SLC25A34: variants seen among roughly 807,000 people sequenced by gnomAD.
SLC25A34 encodes the protein solute carrier family 25, member 34.
SLC25A34 carries 26 observed loss-of-function variants against 28.1 expected under a neutral mutation model. The ratio of observed to expected loss-of-function variants is 0.93; its 90% CI spans 0.68 to 1.28. The LOEUF (loss-of-function observed/expected upper bound fraction) is 1.28, where lower values mean the gene tolerates loss of function less well. SLC25A34 is among the 50% of genes most tolerant of loss of function. The pLI, the probability that SLC25A34 is intolerant of heterozygous loss-of-function variation, is 0.00. For missense variants in SLC25A34, 384 were observed against 409.8 expected (o/e 0.94, Z 0.54); for synonymous variants, 182 against 182.2 (o/e 1.00, Z 0.01).
rs2068266753 is a variant in SLC25A34 at position 15,740,191 on chromosome 1, C to G, written c.*785C>G. 6.6e-6 allele frequency: 1 copy of G among 152,134 alleles called. No homozygotes were observed. The highest frequency in any genetic ancestry group is 1.5e-5 in the Non-Finnish European group (1 of 68,046). The allele number at this position is 152,134 out of a possible 1,614,324, so 9.4% of individuals were successfully genotyped here. The stretch of plus-strand genomic sequence containing the variant: ...TCTCTGTGTCTGCACATGGTGGTCC[C>G]TCGATGTGCGTCTGGGTCCTGATCT... On this transcript the variant is annotated 3_prime_UTR_variant, in exon 5 of 5. Coordinates refer to ENST00000294454, the MANE Select transcript of SLC25A34 (RefSeq NM_207348.3).
In SLC25A34 at chr1:15,739,269, C is replaced by T. The variant is rs1050728352; in HGVS notation, c.778C>T (p.Arg260Trp). The part of the protein sequence containing the change: ...GLTDCMVKIW[R>W]QEGPLALYKG... The stretch of plus-strand genomic sequence containing the variant: ...CACCGACTGCATGGTGAAGATCTGG[C>T]GGCAGGAGGGCCCCCTGGCACTCTA... Residue 260 changes from arginine (R) to tryptophan (W), a missense_variant, in exon 5 of 5, where the codon CGG becomes TGG. By Grantham distance (101) the Arg-to-Trp change is moderately radical. Coordinates refer to ENST00000294454, the MANE Select transcript of SLC25A34 (RefSeq NM_207348.3). 33 of 1,611,950 alleles carry T rather than the reference C, an allele frequency of 2.0e-5. No individual in the cohort carries two copies. The highest frequency in any genetic ancestry group is 1.6e-4 in the Middle Eastern group (1 of 6,078).
intron 4 of SLC25A34, 92 bp downstream of exon 4, chr1:15,738,820 TCACAC>T: frequency 2.0e-6 from 2 of 1,010,090 alleles, no homozygotes; most frequent in Non-Finnish European, 2.7e-6. Context: ...ACACTCACAC[TCACAC>T]ATGCACAGCC....
chr1:15,737,055 G>A (rs901381307), intron 1 of SLC25A34, among the ~76,000 whole-genome samples, 192 bp downstream of exon 1: 1 of 152,204 alleles, frequency 6.6e-6, no homozygotes, highest in African/African-American at 2.4e-5. Flanking sequence ...TCTGATCCAT[G>A]CTCCCCTGCG....
chr1:15,737,385 A>G (rs1370347030), intron 1 of SLC25A34, among the ~76,000 whole-genome samples: 1 of 152,218 alleles, frequency 6.6e-6, no homozygotes, highest in East Asian at 1.9e-4. Context: ...CATGGTCAAC[A>G]TGGTGAAACC....
chr1:15,738,915 C>G (rs1245784135), intron 4 of SLC25A34, 187 bp downstream of exon 4: 1 of 728,532 alleles, frequency 1.4e-6, no homozygotes, highest in East Asian at 3.2e-5. Context: ...CAGGCACAGG[C>G]TAAGCACTTT....
At chr1:15,738,047 C>T in intron 2 of SLC25A34, 46 bp from the exon 3 acceptor site, 2 of 1,613,516 alleles carry the variant, frequency 1.2e-6, no homozygotes, top group African/African-American at 1.3e-5. Flanking sequence ...GGCATGCTCC[C>T]AGCCTAGGCA....
In SLC25A34 at chr1:15,737,967, G is replaced by A. The variant is rs772253470; in HGVS notation, c.417G>A (p.Val139=). The part of the protein sequence containing the change: ...TQLQAQTVAA[V]AVGHQHNHQT... ...TGCAAGCTCAGACAGTGGCCGCAGT[G>A]GCCGTGGGACACCAGCACAATCACC... is the stretch of plus-strand genomic sequence containing the variant. The change falls in exon 2 of 5, where the codon GTG becomes GTA. Residue 139 remains valine (V), a synonymous_variant. Coordinates refer to ENST00000294454, the MANE Select transcript of SLC25A34 (RefSeq NM_207348.3). 4 of 1,613,912 alleles carry A rather than the reference G, an allele frequency of 2.5e-6. No individual in the cohort carries two copies. Among genetic ancestry groups the A allele is most frequent in the Non-Finnish European group, 2.5e-6 (3 of 1,180,028 alleles).
chr1:15,737,762 C>T (rs1021036960), intron 1 of SLC25A34, 167 bp from the exon 2 acceptor site: 23 of 693,570 alleles, frequency 3.3e-5, no homozygotes, highest in Non-Finnish European at 5.1e-5. Flanking sequence ...CCAGGCCAAC[C>T]CCAGAGCTGC....
At chr1:15,737,695 A>G (rs2068238323) in intron 1 of SLC25A34, 1 of 562,152 alleles carries the variant, frequency 1.8e-6, no homozygotes, top group African/African-American at 1.9e-5. Flanking sequence ...ACCGTGACAG[A>G]ATTGAGGCCC....
intron 3 of SLC25A34, 97 bp from the exon 4 acceptor site, chr1:15,738,497 T>A: frequency 6.7e-7 from 1 of 1,496,292 alleles, no homozygotes; most frequent in Non-Finnish European, 8.9e-7. Flanking sequence ...CCCCTTTCTG[T>A]AGCCCTTTTA....
At chr1:15,736,902 C>A in intron 1 of SLC25A34, 39 bp downstream of exon 1, 5 of 1,473,854 alleles carry the variant, frequency 3.4e-6, no homozygotes, top group East Asian at 2.4e-5. Flanking sequence ...TCCACCATCC[C>A]ATGACCCAGC....
rs1306086942 is a variant in SLC25A34 at position 15,741,091 on chromosome 1, T to G, written c.*1685T>G. On this transcript the variant is annotated 3_prime_UTR_variant, in exon 5 of 5. Transcript: ENST00000294454. ...GAAAGAAGCTCCGGGTGCCCATTGTTCAGTCCAGGTGCCCATTGTTCCCGG... is the reference window on the plus strand; with the variant it reads ...GAAAGAAGCTCCGGGTGCCCATTGTGCAGTCCAGGTGCCCATTGTTCCCGG... The G allele has an allele frequency of 6.6e-6, 1 of 152,446 alleles. No individual in the cohort carries two copies. The highest frequency in any genetic ancestry group is 1.5e-5 in the Non-Finnish European group (1 of 68,196). 9.4% of individuals were successfully genotyped at this position (152,446 alleles called of 1,614,324 possible). A position where few individuals can be genotyped will look rare whatever the true frequency, so the allele number is the denominator to read the frequency against.
chr1:15,739,274 G>A lies in SLC25A34; in HGVS notation c.783G>A (p.Gln261=). The A allele has an allele frequency of 6.2e-7, 1 of 1,612,234 alleles. No individual in the cohort carries two copies. The highest frequency in any genetic ancestry group is 8.5e-7 in the Non-Finnish European group (1 of 1,179,462). ...LTDCMVKIWR[Q]EGPLALYKGL... ...ACTGCATGGTGAAGATCTGGCGGCA[G>A]GAGGGCCCCCTGGCACTCTACAAGG... Residue 261 remains glutamine, a synonymous_variant, in exon 5 of 5, where the codon CAG becomes CAA. Transcript: ENST00000294454.
intron 1 of SLC25A34, among the ~76,000 whole-genome samples, chr1:15,737,412 G>T (rs1021166012): frequency 6.6e-6 from 1 of 152,012 alleles, no homozygotes; most frequent in Admixed American, 6.6e-5. Flanking sequence ...CTGCTAAAAA[G>T]TACAAAAATT....
rs755654247 is a variant in SLC25A34, at chr1:15,739,304, G to A, written c.813G>A (p.Leu271=). The change falls in exon 5 of 5, where the codon CTG becomes CTA. Residue 271 remains leucine, a synonymous_variant. Transcript: ENST00000294454. ...GCCCCCTGGCACTCTACAAGGGCCTGGGCCCCGCCTACCTGCGCCTGGGCC... is the reference window on the plus strand; with the variant it reads ...GCCCCCTGGCACTCTACAAGGGCCTAGGCCCCGCCTACCTGCGCCTGGGCC... The part of the protein sequence containing the change: ...QEGPLALYKG[L]GPAYLRLGPH... 6 of 1,611,010 alleles carry A rather than the reference G, an allele frequency of 3.7e-6. No homozygotes were observed.
rs746733554 is a variant in SLC25A34, at chr1:15,736,581, G to T, written c.96G>T (p.Thr32=). The T allele has an allele frequency of 1.3e-6, 2 of 1,519,578 alleles. No homozygotes were observed. Among genetic ancestry groups the T allele is most frequent in the Non-Finnish European group, 1.8e-6 (2 of 1,133,822 alleles). 94.1% of individuals were successfully genotyped at this position (1,519,578 alleles called of 1,614,324 possible). A position where few individuals can be genotyped will look rare whatever the true frequency, so the allele number is the denominator to read the frequency against. ...VFTNPLEVVK[T]RLQLQGELQA... ...CCAACCCCCTGGAGGTGGTGAAGAC[G>T]CGGCTGCAGCTGCAGGGGGAGCTGC... The change falls in exon 1 of 5, where the codon ACG becomes ACT. Residue 32 remains threonine (T), a synonymous_variant. Coordinates refer to ENST00000294454, the MANE Select transcript of SLC25A34 (RefSeq NM_207348.3).
chr1:15,736,647 A>G lies in SLC25A34; in HGVS notation c.162A>G (p.Ile54Met). The change falls in exon 1 of 5, where the codon ATA becomes ATG. Residue 54 changes from isoleucine to methionine, a missense_variant. Physicochemically the swap from Ile to Met is conservative, Grantham distance 10 (BLOSUM62 1). Coordinates refer to ENST00000294454, the MANE Select transcript of SLC25A34 (RefSeq NM_207348.3). The stretch of plus-strand genomic sequence containing the variant: ...ACCCACGGCCCTACCATGGCTTCAT[A>G]GCCTCTGTCGCTGCTGTGGCCCGAG... ...GTYPRPYHGF[I>M]ASVAAVARAD... is the part of the protein sequence containing the mutation. The G allele has an allele frequency of 6.3e-7, 1 of 1,592,624 alleles. No individual in the cohort carries two copies. The highest frequency in any genetic ancestry group is 2.3e-5 in the East Asian group (1 of 44,180).
rs758279206 is a variant in SLC25A34, at chr1:15,736,705, G to A, written c.220G>A (p.Ala74Thr). 1 of 1,609,714 alleles carries A rather than the reference G, an allele frequency of 6.2e-7. No individual in the cohort carries two copies. Among genetic ancestry groups the A allele is most frequent in the South Asian group, 1.1e-5 (1 of 90,740 alleles). The part of the protein sequence containing the change: ...DGLWGLQKGL[A>T]AGLLYQGLMN... ...GCTGTGGGGCCTGCAGAAGGGGCTG[G>A]CTGCCGGCCTTCTGTACCAAGGCCT... Residue 74 changes from alanine (A) to threonine (T), a missense_variant, in exon 1 of 5, where the codon GCT (alanine) becomes ACT (threonine). By Grantham distance (58) the Ala-to-Thr change is moderately conservative (BLOSUM62 0). Coordinates refer to ENST00000294454, the MANE Select transcript of SLC25A34 (RefSeq NM_207348.3).
intron 1 of SLC25A34, among the ~76,000 whole-genome samples, chr1:15,737,600 A>T (rs72882189): frequency 0.016 from 2,412 of 152,044 alleles, 70 homozygotes; most frequent in African/African-American, 0.055. Context: ...AAGAAAAAAA[A>T]AGCTCCCCTT....
Sources: gnomAD v4.1 joint callset for allele counts (sites outside exome capture counted in the v4.1 genomes callset) on GRCh38, gnomAD v4.1.1 for gene constraint, MANE v1.5 for transcripts, NCBI Gene and HGNC (gene_info 2026-07-23, HGNC 2026-07-21) for gene names.